The following DNAJC12 variants were observed in gnomAD, a reference collection of about 807,000 sequenced individuals.
DNAJC12 encodes the protein DnaJ heat shock protein family (Hsp40) member C12, also known as dnaJ homolog subfamily C member 12.
In DNAJC12, 25 loss-of-function variants were observed where a neutral mutation model predicts 28.5. That is an observed-to-expected ratio of 0.88 (90% CI 0.64 to 1.22). The LOEUF (loss-of-function observed/expected upper bound fraction) is 1.22. Among genes scored for constraint, DNAJC12 ranks in the 50% most tolerant of loss-of-function variants. DNAJC12 has a pLI of 0.00. For synonymous variants in DNAJC12, 77 were observed against 80.6 expected, an observed-to-expected ratio of 0.95 and a Z score of 0.24; for missense variants, 222 against 231.7, an observed-to-expected ratio of 0.96 and a Z score of 0.27.
chr10:67,811,916 G>A (rs927629608), intron 2 of DNAJC12, among the ~76,000 whole-genome samples: 1 of 152,152 alleles, frequency 6.6e-6, no homozygotes, highest in African/African-American at 2.4e-5. Flanking sequence ...TCCCGGTGCT[G>A]ATGACACAGA....
rs952584080 is a variant in DNAJC12 at position 67,838,089 on chromosome 10, T to C, written c.-78A>G. On this transcript the variant is annotated 5_prime_UTR_variant, in exon 1 of 5. It removes the in-frame stop codon of an upstream open reading frame in the 5' UTR. Transcript: ENST00000225171. ...TTCGAATTAACAGGAAGAAACTCTTTAAATCTGAATTAGAGCAGCATGTTC... is the reference window on the plus strand; with the variant it reads ...TTCGAATTAACAGGAAGAAACTCTTCAAATCTGAATTAGAGCAGCATGTTC... 42 of 964,232 alleles carry C rather than the reference T, an allele frequency of 4.4e-5. No individual in the cohort carries two copies. Among genetic ancestry groups the C allele is most frequent in the Middle Eastern group, 2.1e-4 (1 of 4,750 alleles). The allele number at this position is 964,232 out of a possible 1,614,324, so 59.7% of individuals were successfully genotyped here.
At chr10:67,831,258 C>A (rs924830824) in intron 1 of DNAJC12, among the ~76,000 whole-genome samples, 11 of 152,120 alleles carry the variant, frequency 7.2e-5, no homozygotes, top group African/African-American at 2.7e-4. Context: ...ACAGATATAG[C>A]ATATATGCAC....
At chr10:67,820,431 T>A (rs1841970553) in intron 2 of DNAJC12, among the ~76,000 whole-genome samples, 1 of 152,136 alleles carries the variant, frequency 6.6e-6, no homozygotes, top group South Asian at 2.1e-4. Flanking sequence ...TCAATGGTGA[T>A]AGAGATCAAA....
chr10:67,824,891 G>A (rs888707443), intron 1 of DNAJC12, among the ~76,000 whole-genome samples: 3 of 151,786 alleles, frequency 2.0e-5, no homozygotes, highest in Non-Finnish European at 2.9e-5. Flanking sequence ...CCACCACCAC[G>A]CCTGGCTAAT....
At chr10:67,821,622 C>T (rs764163116) in intron 2 of DNAJC12, among the ~76,000 whole-genome samples, 3 of 152,196 alleles carry the variant, frequency 2.0e-5, no homozygotes, top group Non-Finnish European at 4.4e-5. Context: ...CTGGGCGGAA[C>T]ATATGTGGGC....
rs1842039194 is a variant in DNAJC12, at chr10:67,826,797, CAGATATA to C, written c.79-3412_79-3406del. Among the ~76,000 whole-genome samples the C allele has an allele frequency of 1.4e-4, 7 of 49,286 alleles. 2 individuals are homozygous for C. Among genetic ancestry groups the C allele is most frequent in the African/African-American group, 2.6e-4 (5 of 19,342 alleles). 32.3% of individuals were successfully genotyped at this position (49,286 alleles called of 152,430 possible). A position where few individuals can be genotyped will look rare whatever the true frequency, so the allele number is the denominator to read the frequency against. On this transcript the variant is annotated intron_variant, in intron 1 of 4. Transcript: ENST00000225171. ...ATATATAATATATATCATTAGATAT[CAGATATA>C]TAATGATATATATAATATATATCAT...
chr10:67,804,905 G>A (rs368956139), intron 4 of DNAJC12, among the ~76,000 whole-genome samples: 65 of 152,168 alleles, frequency 4.3e-4, no homozygotes, highest in African/African-American at 1.2e-3. Flanking sequence ...CATGGCAGGC[G>A]CCTGTAGTCC....
intron 1 of DNAJC12, among the ~76,000 whole-genome samples, chr10:67,829,381 T>G (rs1387959401): frequency 6.6e-6 from 1 of 152,090 alleles, no homozygotes. Flanking sequence ...TGGCTCACGC[T>G]TGTAATCCCA....
At chr10:67,817,402 T>A (rs1841926610) in intron 2 of DNAJC12, among the ~76,000 whole-genome samples, 1 of 152,218 alleles carries the variant, frequency 6.6e-6, no homozygotes, top group African/African-American at 2.4e-5. Flanking sequence ...ATCAGTAATT[T>A]CAATGGCAAC....
chr10:67,835,173 G>A (rs1047502157), intron 1 of DNAJC12, among the ~76,000 whole-genome samples: 1 of 152,088 alleles, frequency 6.6e-6, no homozygotes, highest in Non-Finnish European at 1.5e-5. Context: ...TATTATGTGG[G>A]TGTCTCAATT....
chr10:67,814,256 GA>G lies in DNAJC12; in HGVS notation c.158-2594del, dbSNP rs1007585904. On this transcript the variant is annotated intron_variant, in intron 2 of 4. Transcript: ENST00000225171. ...AAGAGTGCCAAGACAATTTAATGAA[GA>G]AAAAAAATAGTCTTTTCAACAAATG... 2.6e-5 allele frequency among the ~76,000 whole-genome samples: 4 copies of G among 151,652 alleles called. No homozygotes were observed. The South Asian group carries it at 6.2e-4, about 24-fold the overall frequency.
chr10:67,824,781 T>C (rs1373372437), intron 1 of DNAJC12, among the ~76,000 whole-genome samples: 1 of 152,130 alleles, frequency 6.6e-6, no homozygotes, highest in Non-Finnish European at 1.5e-5. Flanking sequence ...TCACCCAGTC[T>C]GGAGTGCAGT....
chr10:67,802,423 C>A (rs1211334581), intron 4 of DNAJC12, among the ~76,000 whole-genome samples: 1 of 152,166 alleles, frequency 6.6e-6, no homozygotes, highest in Admixed American at 6.5e-5. Flanking sequence ...TTACCTATTG[C>A]CATCACTCAC....
At chr10:67,836,434 T>C (rs1842143454) in intron 1 of DNAJC12, among the ~76,000 whole-genome samples, 1 of 151,976 alleles carries the variant, frequency 6.6e-6, no homozygotes, top group Admixed American at 6.6e-5. Flanking sequence ...CCTTACTGTA[T>C]AAGCTAGCAT....
chr10:67,800,080 G>A (rs192889524), intron 4 of DNAJC12, among the ~76,000 whole-genome samples: 167 of 151,418 alleles, frequency 1.1e-3, no homozygotes, highest in East Asian at 4.9e-3. Flanking sequence ...AAAATTAGCC[G>A]GATGTGGTGG....
At chr10:67,831,633 T>C (rs916177606) in intron 1 of DNAJC12, among the ~76,000 whole-genome samples, 1 of 152,194 alleles carries the variant, frequency 6.6e-6, no homozygotes, top group African/African-American at 2.4e-5. Flanking sequence ...TTTCTTTAAT[T>C]TCTGCTGCAC....
intron 2 of DNAJC12, among the ~76,000 whole-genome samples, chr10:67,818,304 A>G (rs562372390): frequency 6.6e-6 from 1 of 152,380 alleles, no homozygotes; most frequent in Admixed American, 6.5e-5. Context: ...AAAACTGAGT[A>G]AACGGATGCT....
At chr10:67,806,543 G>T (rs1265692965) in intron 3 of DNAJC12, among the ~76,000 whole-genome samples, 2 of 152,144 alleles carry the variant, frequency 1.3e-5, no homozygotes, top group African/African-American at 2.4e-5. Context: ...AAGAAAAGAG[G>T]CTGGGCACAG....
chr10:67,810,220 T>G (rs1841845821), intron 3 of DNAJC12, among the ~76,000 whole-genome samples: 2 of 152,168 alleles, frequency 1.3e-5, no homozygotes, highest in South Asian at 4.2e-4. Context: ...GAGAACTCAC[T>G]ATCATGAGAA....
Sources: allele counts gnomAD v4.1 joint callset (sites outside exome capture counted in the v4.1 genomes callset), GRCh38; gene constraint gnomAD v4.1.1; transcripts MANE v1.5; gene names NCBI Gene and HGNC (gene_info 2026-07-23, HGNC 2026-07-21).